C1orf167: variants seen among roughly 807,000 people sequenced by gnomAD.
The protein encoded by C1orf167 is uncharacterized protein C1orf167.
C1orf167 carries 153 observed loss-of-function variants against 176.5 expected under a neutral mutation model. The observed-to-expected ratio is 0.87, with a 90% CI of 0.76 to 0.99. C1orf167 has a LOEUF of 0.99. Among genes scored for constraint, C1orf167 ranks in the 50% least tolerant of loss-of-function variants. The pLI, the probability that C1orf167 is intolerant of heterozygous loss-of-function variation, is 0.00. For missense variants in C1orf167, 1,490 were observed against 1,817.7 expected, an observed-to-expected ratio of 0.82 and a Z score of 3.28; for synonymous variants, 594 against 752.7, an observed-to-expected ratio of 0.79 and a Z score of 3.45.
At chr1:11,767,298 A>C (rs6540997) in intron 4 of C1orf167, 34 bp downstream of exon 4, 1 of 1,230,452 alleles carries the variant, frequency 8.1e-7, no homozygotes, top group East Asian at 5.7e-5. Context: ...CAGGGGTTGG[A>C]GTTGGGGGAC....
At chr1:11,777,851 G>C (rs982108810) in intron 10 of C1orf167, 2 of 152,284 alleles carry the variant, frequency 1.3e-5, no homozygotes, top group African/African-American at 4.8e-5. Flanking sequence ...TTGGACTTCA[G>C]GGCACAGTTC....
At position 11,784,476 on chromosome 1, in the gene C1orf167, G is replaced by A. The variant is rs572587823; in HGVS notation, c.3308G>A (p.Gly1103Glu). 15 of 1,303,366 alleles carry A rather than the reference G, an allele frequency of 1.2e-5. No homozygotes were observed. In the African/African-American group the frequency reaches 2.1e-4, roughly 18 times the overall value. 80.7% of individuals were successfully genotyped at this position (1,303,366 alleles called of 1,614,324 possible). The change falls in exon 15 of 21, where the codon GGA (glycine) becomes GAA (glutamate). Residue 1103 changes from glycine (G) to glutamate (E), a missense_variant. Physicochemically the swap from Gly to Glu is moderately conservative, Grantham distance 98 (BLOSUM62 -2). Coordinates refer to ENST00000688073, the MANE Select transcript of C1orf167 (RefSeq NM_001010881.2). ...CACCATGAGGCCCAGCAGCAGGCAG[G>A]AGAGAGCGCTGGGGCCCAGGCAGCC... ...GMHHEAQQQA[G>E]ESAGAQAAQC...
At chr1:11,783,494 G>A (rs897576622) in intron 14 of C1orf167, among the ~76,000 whole-genome samples, 2 of 152,020 alleles carry the variant, frequency 1.3e-5, no homozygotes, top group South Asian at 2.1e-4. Context: ...TGATCCGCCC[G>A]CCTCTGCCTC....
In C1orf167 at chr1:11,788,007, G is replaced by A. The variant is rs1415888606; in HGVS notation, c.3808G>A (p.Ala1270Thr). The change falls in exon 18 of 21, where the codon GCC becomes ACC. Residue 1270 changes from alanine (A) to threonine (T), a missense_variant. Transcript: ENST00000688073. ...PRAHSSPEPR[A>T]CKAQSKAHKR... Reference sequence around the variant, plus strand: ...AGCGCACTCCAGCCCTGAGCCCAGAGCCTGCAAAGCCCAAAGCAAGGCCCA... The same window carrying A: ...AGCGCACTCCAGCCCTGAGCCCAGAACCTGCAAAGCCCAAAGCAAGGCCCA... The A allele has an allele frequency of 3.8e-6, 5 of 1,303,078 alleles. No homozygotes were observed. The highest frequency in any genetic ancestry group is 5.1e-6 in the Non-Finnish European group (5 of 988,476). 80.7% of individuals were successfully genotyped at this position (1,303,078 alleles called of 1,614,324 possible). A position where few individuals can be genotyped will look rare whatever the true frequency, so the allele number is the denominator to read the frequency against.
At position 11,784,537 on chromosome 1, in the gene C1orf167, T is replaced by A; in HGVS notation, c.3369T>A (p.His1123Gln). ...CTTGGTGCTGGGCTCTGTGGGTGCA[T>A]GAGTCCTGTCGGGGCCAGGTCAGCC... is the stretch of plus-strand genomic sequence containing the variant. ...CWTWCWALWV[H>Q]ESCRGQVSRA... The change falls in exon 15 of 21, where the codon CAT becomes CAA. Residue 1123 changes from histidine (H) to glutamine (Q), a missense_variant. Transcript: ENST00000688073. The A allele has an allele frequency of 2.3e-6, 3 of 1,296,822 alleles. No individual in the cohort carries two copies. The highest frequency in any genetic ancestry group is 3.0e-6 in the Non-Finnish European group (3 of 985,552). 80.3% of individuals were successfully genotyped at this position (1,296,822 alleles called of 1,614,324 possible).
chr1:11,779,503 G>A (rs1268196036), intron 12 of C1orf167: 7 of 240,426 alleles, frequency 2.9e-5, no homozygotes, highest in Admixed American at 1.5e-4. Flanking sequence ...ATTCCCCAAT[G>A]CCGTGTGTGG....
intron 1 of C1orf167, 109 bp downstream of exon 1, chr1:11,762,414 G>C (rs943844333): frequency 1.7e-5 from 6 of 348,922 alleles, no homozygotes; most frequent in African/African-American, 1.3e-4. Flanking sequence ...TGGAGTGGGA[G>C]GGGGGAGTCT....
chr1:11,785,215 C>T lies in C1orf167; in HGVS notation c.3493C>T (p.Arg1165Trp), dbSNP rs80132110. 5,707 of 1,291,736 alleles carry T rather than the reference C, an allele frequency of 4.4e-3. 23 individuals carry two copies. Among genetic ancestry groups the T allele is most frequent in the Non-Finnish European group, 5.4e-3 (5,365 of 988,810 alleles). The allele number at this position is 1,291,736 out of a possible 1,614,324, so 80.0% of individuals were successfully genotyped here. A position where few individuals can be genotyped will look rare whatever the true frequency, so the allele number is the denominator to read the frequency against. ...GVQRAILTQL[R>W]PAELRRFLRT... ...CCAGCGAGCCATCCTCACCCAGCTC[C>T]GGCCGGCTGAGCTCAGGCGCTTCCT... is the stretch of plus-strand genomic sequence containing the variant. Residue 1165 changes from arginine to tryptophan, a missense_variant, in exon 16 of 21, where the codon CGG becomes TGG. By Grantham distance (101) the Arg-to-Trp change is moderately radical (BLOSUM62 -3). Coordinates refer to ENST00000688073, the MANE Select transcript of C1orf167 (RefSeq NM_001010881.2).
At chr1:11,775,354 G>A (rs558266871) in intron 8 of C1orf167, 81 bp from the exon 9 acceptor site, 3 of 1,105,684 alleles carry the variant, frequency 2.7e-6, no homozygotes, top group African/African-American at 3.3e-5. Flanking sequence ...CCTGGGTAGT[G>A]TGTCTGGCAA....
At position 11,763,116 on chromosome 1, in the gene C1orf167, G is replaced by A. The variant is rs550717110; in HGVS notation, c.-71+811G>A. Reference sequence around the variant, plus strand: ...CAGTGGGCAAGGGGAAGAGGAATTGGGGAGGACCATAACTGGCAGCCAGAT... The same window carrying A: ...CAGTGGGCAAGGGGAAGAGGAATTGAGGAGGACCATAACTGGCAGCCAGAT... On this transcript the variant is annotated intron_variant, in intron 1 of 20. Coordinates refer to ENST00000688073, the MANE Select transcript of C1orf167 (RefSeq NM_001010881.2). 1.5e-3 allele frequency among the ~76,000 whole-genome samples: 224 copies of A among 152,296 alleles called. 5 individuals are homozygous for A. Among genetic ancestry groups the A allele is most frequent in the African/African-American group, 5.1e-3 (211 of 41,564 alleles).
Position 11,779,846 on chromosome 1 carries a change from G to C in C1orf167, c.2696G>C (p.Trp899Ser). 1.5e-6 allele frequency: 2 copies of C among 1,303,222 alleles called. No homozygotes were observed. Among genetic ancestry groups the C allele is most frequent in the Non-Finnish European group, 2.0e-6 (2 of 988,902 alleles). The allele number at this position is 1,303,222 out of a possible 1,614,324, so 80.7% of individuals were successfully genotyped here. Residue 899 changes from tryptophan (W) to serine (S), a missense_variant, in exon 13 of 21, where the codon TGG (tryptophan) becomes TCG (serine). Physicochemically the swap from Trp to Ser is radical, Grantham distance 177. Transcript: ENST00000688073. ...CGCTGGGCAACAGCCCAATGGGCCTGGAGAGAGCTGGCTTCCCACCGGGCC... is the reference window on the plus strand; with the variant it reads ...CGCTGGGCAACAGCCCAATGGGCCTCGAGAGAGCTGGCTTCCCACCGGGCC... ...WSRWATAQWA[W>S]RELASHRAWD...
In C1orf167 at chr1:11,776,650, C is replaced by T. The variant is rs1440097674; in HGVS notation, c.2339+12C>T. Reference sequence around the variant, plus strand: ...CGCCAGTGGGCCAAGTAGGTGTCCTCGAGCTTGTGACCTGGGGTTGGGCCT... The same window carrying T: ...CGCCAGTGGGCCAAGTAGGTGTCCTTGAGCTTGTGACCTGGGGTTGGGCCT... On this transcript the variant is annotated intron_variant, in intron 10 of 20. Transcript: ENST00000688073. The T allele has an allele frequency of 9.2e-6, 11 of 1,193,238 alleles. No homozygotes were observed. Among genetic ancestry groups the T allele is most frequent in the Non-Finnish European group, 1.1e-5 (10 of 936,034 alleles). The allele number at this position is 1,193,238 out of a possible 1,614,324, so 73.9% of individuals were successfully genotyped here.
rs189086430 is a variant in C1orf167, at chr1:11,781,738, G to A, written c.2861-451G>A. Among the ~76,000 whole-genome samples, 676 of 152,068 alleles carry A rather than the reference G, an allele frequency of 4.4e-3. 7 individuals are homozygous for A. The highest frequency in any genetic ancestry group is 0.016 in the African/African-American group (647 of 41,476). On this transcript the variant is annotated intron_variant, in intron 13 of 20. Coordinates refer to ENST00000688073, the MANE Select transcript of C1orf167 (RefSeq NM_001010881.2). ...ATCTTGGCTAACATGGTGAAACCCC[G>A]TCTCTACTAAAAATACACAAAATTA...
Position 11,762,620 on chromosome 1 carries a change from G to T in C1orf167, c.-71+315G>T, listed in dbSNP as rs1570363055. Reference sequence around the variant, plus strand: ...CCCTCTGAGGCCTTGGGTGGGACAGGCCCTTCTAAGCTCCTGTCCTCATTT... The same window carrying T: ...CCCTCTGAGGCCTTGGGTGGGACAGTCCCTTCTAAGCTCCTGTCCTCATTT... On this transcript the variant is annotated intron_variant, in intron 1 of 20. Coordinates refer to ENST00000688073, the MANE Select transcript of C1orf167 (RefSeq NM_001010881.2). Among the ~76,000 whole-genome samples, 11 of 152,320 alleles carry T rather than the reference G, an allele frequency of 7.2e-5. No individual in the cohort carries two copies. The South Asian group carries it at 2.3e-3, about 32-fold the overall frequency.
At position 11,788,126 on chromosome 1, in the gene C1orf167, A is replaced by G. The variant is rs1643946688; in HGVS notation, c.3849-23A>G. 2.3e-6 allele frequency: 3 copies of G among 1,277,664 alleles called. No individual in the cohort carries two copies. The South Asian group carries it at 3.8e-5, about 16-fold the overall frequency. The allele number at this position is 1,277,664 out of a possible 1,614,324, so 79.1% of individuals were successfully genotyped here. ...TGAGGGGCTTGCCTGAGCCATGGCT[A>G]CAGCTGGGCCCTCTCTGGCCAGTGC... On this transcript the variant is annotated intron_variant, in intron 18 of 20. Coordinates refer to ENST00000688073, the MANE Select transcript of C1orf167 (RefSeq NM_001010881.2).
At chr1:11,781,663 C>T (rs546971727) in intron 13 of C1orf167, among the ~76,000 whole-genome samples, 2 of 152,174 alleles carry the variant, frequency 1.3e-5, no homozygotes, top group African/African-American at 4.8e-5. Context: ...GTAATCCCAG[C>T]AATTTGGGAG....
In C1orf167 at chr1:11,762,287, C is replaced by T. The variant is rs767409608; in HGVS notation, c.-89C>T. On this transcript the variant is annotated 5_prime_UTR_variant, in exon 1 of 21. Transcript: ENST00000688073. ...CAAATCCGACTGGGTGAAGGAGGAC[C>T]CGAGGAGGACCCACGCACGTGAGGG... is the stretch of plus-strand genomic sequence containing the variant. The T allele has an allele frequency of 7.5e-6, 3 of 401,414 alleles. No individual in the cohort carries two copies. The highest frequency in any genetic ancestry group is 1.5e-5 in the Non-Finnish European group (3 of 197,760). The allele number at this position is 401,414 out of a possible 1,614,324, so 24.9% of individuals were successfully genotyped here. A position where few individuals can be genotyped will look rare whatever the true frequency, so the allele number is the denominator to read the frequency against.
rs1643467050 is a variant in C1orf167 at position 11,779,036 on chromosome 1, G to C, written c.2607G>C (p.Gln869His). 2 of 1,289,404 alleles carry C rather than the reference G, an allele frequency of 1.6e-6. No individual in the cohort carries two copies. Among genetic ancestry groups the C allele is most frequent in the East Asian group, 5.6e-5 (1 of 17,936 alleles). The allele number at this position is 1,289,404 out of a possible 1,614,324, so 79.9% of individuals were successfully genotyped here. Residue 869 changes from glutamine (Q) to histidine (H), a missense_variant, in exon 12 of 21, where the codon CAG (glutamine) becomes CAC (histidine). Gln to His is a conservative substitution (Grantham distance 24). Transcript: ENST00000688073. ...TGCTCTGGCAGGCACGGGCCCAGCA[G>C]TTCCAGGGCACAGCCAGGTGGTACC... ...CLLLWQARAQ[Q>H]FQGTARWYQH... is the part of the protein sequence containing the mutation.
Position 11,787,972 on chromosome 1 carries a change from A to C in C1orf167, c.3773A>C (p.Gln1258Pro). 1.5e-6 allele frequency: 2 copies of C among 1,304,278 alleles called. No individual in the cohort carries two copies. The highest frequency in any genetic ancestry group is 2.5e-5 in the South Asian group (2 of 81,026). The allele number at this position is 1,304,278 out of a possible 1,614,324, so 80.8% of individuals were successfully genotyped here. Reference sequence around the variant, plus strand: ...GGCCTGCCCCTGTGGACGAGGGACCAGGGACCAAGAGCGCACTCCAGCCCT... The same window carrying C: ...GGCCTGCCCCTGTGGACGAGGGACCCGGGACCAAGAGCGCACTCCAGCCCT... ...VPGLPLWTRD[Q>P]GPRAHSSPEP... The change falls in exon 18 of 21, where the codon CAG becomes CCG. Residue 1258 changes from glutamine to proline, a missense_variant. By Grantham distance (76) the Gln-to-Pro change is moderately conservative (BLOSUM62 -1). Coordinates refer to ENST00000688073, the MANE Select transcript of C1orf167 (RefSeq NM_001010881.2).
Sources: gnomAD v4.1 joint callset for allele counts (sites outside exome capture counted in the v4.1 genomes callset) on GRCh38, gnomAD v4.1.1 for gene constraint, MANE v1.5 for transcripts, NCBI Gene and HGNC (gene_info 2026-07-23, HGNC 2026-07-21) for gene names.